The following MAN2B2 variants were observed in gnomAD, a reference collection of about 807,000 sequenced individuals.
MAN2B2 encodes the protein mannosidase alpha class 2B member 2.
MAN2B2 carries 106 observed loss-of-function variants against 117.1 expected under a neutral mutation model. That is an observed-to-expected ratio of 0.90 (90% CI 0.77 to 1.06). The LOEUF (loss-of-function observed/expected upper bound fraction) is 1.06, where lower values mean the gene tolerates loss of function less well. Ranked by LOEUF, MAN2B2 falls within the 50% of genes least tolerant of loss-of-function variation. The probability of loss-of-function intolerance (pLI) is 0.00; values close to 1 mark genes in which losing one functional copy is unlikely to be tolerated. For missense variants in MAN2B2, 1,326 were observed against 1,381.4 expected, an observed-to-expected ratio of 0.96 and a Z score of 0.64; for synonymous variants, 544 against 595.1, an observed-to-expected ratio of 0.91 and a Z score of 1.25.
intron 4 of MAN2B2, 90 bp from the exon 5 acceptor site, chr4:6,588,955 C>A (rs1166218238): frequency 1.1e-6 from 1 of 881,570 alleles, no homozygotes; most frequent in Non-Finnish European, 1.9e-6. Flanking sequence ...AAGGTGAGGG[C>A]AGGCGGGAGA....
In MAN2B2 at chr4:6,619,966, G is replaced by A; in HGVS notation, c.2854G>A (p.Glu952Lys). 6.2e-7 allele frequency: 1 copy of A among 1,613,964 alleles called. No homozygotes were observed. The highest frequency in any genetic ancestry group is 8.5e-7 in the Non-Finnish European group (1 of 1,180,002). The change falls in exon 18 of 19, where the codon GAG (glutamate) becomes AAG (lysine). Residue 952 changes from glutamate (E) to lysine (K), a missense_variant. By Grantham distance (56) the Glu-to-Lys change is moderately conservative. Transcript: ENST00000285599. ...GCTGGGGTCCGTGGTGGCAGTGGAG[G>A]AGCGCTCGCTCACAGGGACCTGGGA... ...QALGSVVAVE[E>K]RSLTGTWDLS...
Position 6,600,668 on chromosome 4 carries a change from C to T in MAN2B2, c.1451C>T (p.Ala484Val), listed in dbSNP as rs760083648. Residue 484 changes from alanine (A) to valine (V), a missense_variant, in exon 10 of 19, where the codon GCC becomes GTC. Transcript: ENST00000285599. The stretch of plus-strand genomic sequence containing the variant: ...TTTGCCTCGGTCTACAACCCGCTGG[C>T]CTGGACGGTCACCACCATCGTCACC... The part of the protein sequence containing the change: ...GHFASVYNPL[A>V]WTVTTIVTLT... The T allele has an allele frequency of 3.7e-6, 6 of 1,613,928 alleles. No individual in the cohort carries two copies. The African/African-American group carries it at 4.0e-5, about 11-fold the overall frequency.
chr4:6,585,340 G>C (rs945717822), intron 3 of MAN2B2, among the ~76,000 whole-genome samples: 6 of 152,196 alleles, frequency 3.9e-5, no homozygotes, highest in African/African-American at 1.4e-4. Context: ...AGTTATGAGA[G>C]TTCTCTGAGG....
At chr4:6,579,303 AC>A in intron 3 of MAN2B2, among the ~76,000 whole-genome samples, 1 of 111,570 alleles carries the variant, frequency 9.0e-6, no homozygotes, top group Non-Finnish European at 1.9e-5. Context: ...CACCACCATC[AC>A]CACCACCACC....
intron 4 of MAN2B2, among the ~76,000 whole-genome samples, chr4:6,587,567 G>T (rs78327537): frequency 0.013 from 1,944 of 152,276 alleles, 47 homozygotes; most frequent in African/African-American, 0.044. Context: ...GAGACGCTGT[G>T]ATTCTTCAGG....
chr4:6,576,749 G>A (rs772859961), intron 2 of MAN2B2, 25 bp downstream of exon 2: 2 of 1,611,488 alleles, frequency 1.2e-6, no homozygotes, highest in East Asian at 2.2e-5. Flanking sequence ...AGGTGACACA[G>A]TTGGCCCAGT....
rs1024707152 is a variant in MAN2B2, at chr4:6,588,963, A to G, written c.565-82A>G. 5.0e-6 allele frequency: 5 copies of G among 990,300 alleles called. No homozygotes were observed. The Admixed American group carries it at 7.4e-5, about 15-fold the overall frequency. The allele number at this position is 990,300 out of a possible 1,614,324, so 61.3% of individuals were successfully genotyped here. On this transcript the variant is annotated intron_variant, in intron 4 of 18. Coordinates refer to ENST00000285599, the MANE Select transcript of MAN2B2 (RefSeq NM_015274.3). ...GAGGGCCAAGGTGAGGGCAGGCGGG[A>G]GACACCCAGATGGGGCTGAGGGAAG...
At chr4:6,586,822 C>G (rs1726648475) in intron 3 of MAN2B2, among the ~76,000 whole-genome samples, 174 bp from the exon 4 acceptor site, 1 of 152,190 alleles carries the variant, frequency 6.6e-6, no homozygotes, top group Non-Finnish European at 1.5e-5. Context: ...TGTACTTCAC[C>G]ATGATTAAAA....
intron 11 of MAN2B2, among the ~76,000 whole-genome samples, chr4:6,608,222 G>C (rs999479067): frequency 5.9e-5 from 9 of 152,106 alleles, no homozygotes; most frequent in Non-Finnish European, 1.3e-4. Context: ...CTTTTTAAAA[G>C]GATCGTGCGG....
At chr4:6,585,832 T>C (rs1201707074) in intron 3 of MAN2B2, among the ~76,000 whole-genome samples, 1 of 152,072 alleles carries the variant, frequency 6.6e-6, no homozygotes, top group African/African-American at 2.4e-5. Context: ...ATGTGACTGG[T>C]CATGGCACAG....
intron 13 of MAN2B2, among the ~76,000 whole-genome samples, 171 bp downstream of exon 13, chr4:6,610,221 A>T (rs1727717839): frequency 1.3e-5 from 2 of 151,970 alleles, no homozygotes; most frequent in Non-Finnish European, 1.5e-5. Context: ...CAATGGAGCG[A>T]TCTTGGCTCA....
intron 5 of MAN2B2, among the ~76,000 whole-genome samples, chr4:6,591,709 C>T (rs1194725570): frequency 6.6e-6 from 1 of 152,170 alleles, no homozygotes; most frequent in Non-Finnish European, 1.5e-5. Flanking sequence ...ATTTTAGCCT[C>T]GCTGTACACC....
chr4:6,579,234 CCACCACCACCCTT>C (rs1726278184), intron 3 of MAN2B2, among the ~76,000 whole-genome samples: 1 of 72,750 alleles, frequency 1.4e-5, no homozygotes, highest in African/African-American at 4.6e-5. Context: ...ACCACCATCA[CCACCACCACCCTT>C]CACCACCATC....
chr4:6,579,631 A>G (rs1411607408), intron 3 of MAN2B2, among the ~76,000 whole-genome samples: 4 of 151,244 alleles, frequency 2.6e-5, no homozygotes, highest in Non-Finnish European at 5.9e-5. Flanking sequence ...GACCATTACT[A>G]CCACTACCAT....
chr4:6,618,709 C>G (rs1224136987), intron 17 of MAN2B2: 1 of 152,326 alleles, frequency 6.6e-6, no homozygotes. Flanking sequence ...AGTTTGCATT[C>G]TTTCTATTTC....
intron 6 of MAN2B2, 113 bp downstream of exon 6, chr4:6,593,463 C>A (rs1274741450): frequency 3.8e-6 from 4 of 1,064,902 alleles, no homozygotes; most frequent in Non-Finnish European, 5.2e-6. Context: ...CAGCCATGCT[C>A]AGCCCAGTGG....
intron 10 of MAN2B2, among the ~76,000 whole-genome samples, chr4:6,603,675 G>A (rs1023616797): frequency 5.9e-5 from 9 of 152,148 alleles, no homozygotes; most frequent in African/African-American, 2.2e-4. Flanking sequence ...AAATCCCACT[G>A]CCTGGGGCAT....
chr4:6,588,222 G>A (rs567986819), intron 4 of MAN2B2, among the ~76,000 whole-genome samples: 22 of 152,298 alleles, frequency 1.4e-4, no homozygotes, highest in Non-Finnish European at 4.4e-5. Flanking sequence ...TGTCAGCAGG[G>A]CCACGCTCCC....
Position 6,619,945 on chromosome 4 carries a change from G to T in MAN2B2, c.2833G>T (p.Gly945Trp), listed in dbSNP as rs368549796. Residue 945 changes from glycine to tryptophan, a missense_variant, in exon 18 of 19, where the codon GGG becomes TGG. Transcript: ENST00000285599. The stretch of plus-strand genomic sequence containing the variant: ...CCTGCAGGCTGTGCTGCAGGCGCTG[G>T]GGTCCGTGGTGGCAGTGGAGGAGCG... ...VNLEAVLQAL[G>W]SVVAVEERSL... is the part of the protein sequence containing the mutation. 4.3e-6 allele frequency: 7 copies of T among 1,613,722 alleles called. No individual in the cohort carries two copies. Among genetic ancestry groups the T allele is most frequent in the Non-Finnish European group, 5.9e-6 (7 of 1,179,944 alleles).
Sources: gnomAD v4.1 joint callset for allele counts (sites outside exome capture counted in the v4.1 genomes callset) on GRCh38, gnomAD v4.1.1 for gene constraint, MANE v1.5 for transcripts, NCBI Gene and HGNC (gene_info 2026-07-23, HGNC 2026-07-21) for gene names.